DIP2C: variants seen among roughly 807,000 people sequenced by gnomAD.
DIP2C encodes the protein DIP2 acetate--CoA ligase C (putative), also known as disco-interacting protein 2 homolog C.
In DIP2C, 33 loss-of-function variants were observed where a neutral mutation model predicts 192.4. The ratio of observed to expected loss-of-function variants is 0.17; its 90% CI spans 0.13 to 0.23. The LOEUF is 0.23. Ranked by LOEUF, DIP2C falls within the 10% of genes least tolerant of loss-of-function variation. The pLI is 1.00. For missense variants in DIP2C, 1,537 were observed against 2,110.1 expected (o/e 0.73, Z 5.32); for synonymous variants, 979 against 864.1 (o/e 1.13, Z -2.33).
intron 6 of DIP2C, among the ~76,000 whole-genome samples, chr10:418,658 A>T (rs1047128692): frequency 6.6e-6 from 1 of 152,224 alleles, no homozygotes; most frequent in African/African-American, 2.4e-5. Context: ...CTAAAGCAAC[A>T]TATCAGCCCA....
intron 1 of DIP2C, among the ~76,000 whole-genome samples, chr10:514,566 A>T (rs1846231073): frequency 6.6e-6 from 1 of 152,184 alleles, no homozygotes; most frequent in African/African-American, 2.4e-5. Flanking sequence ...CCTGCAGACC[A>T]GACCTCACTC....
At chr10:353,888 G>C (rs1174386911) in intron 24 of DIP2C, among the ~76,000 whole-genome samples, 1 of 152,248 alleles carries the variant, frequency 6.6e-6, no homozygotes, top group Non-Finnish European at 1.5e-5. Context: ...GAAAATGCAT[G>C]ATTCTGTATG....
Position 651,879 on chromosome 10 carries a change from G to T in DIP2C, c.85+37615C>A. The T allele has an allele frequency of 5.1e-6, 1 of 197,524 alleles. No homozygotes were observed. 12.2% of individuals were successfully genotyped at this position (197,524 alleles called of 1,614,324 possible). A position where few individuals can be genotyped will look rare whatever the true frequency, so the allele number is the denominator to read the frequency against. On this transcript the variant is annotated intron_variant, in intron 1 of 36. Coordinates refer to ENST00000280886, the MANE Select transcript of DIP2C (RefSeq NM_014974.3). The surrounding 1 kb of genome is among the most constrained non-coding windows in gnomAD (Gnocchi z 4.1). ...AAGAAACCACCTGCTACTGCAAACG[G>T]CCTCGCTGTACTCAGGGAGTCGGTT...
chr10:294,718 T>TA (rs539487259), intron 32 of DIP2C, among the ~76,000 whole-genome samples: 98 of 152,116 alleles, frequency 6.4e-4, no homozygotes, highest in African/African-American at 2.2e-3. Flanking sequence ...TGCATCGAAT[T>TA]AAAAAAAAAA....
At chr10:449,293 C>T (rs11252490) in intron 3 of DIP2C, among the ~76,000 whole-genome samples, 23,898 of 152,156 alleles carry the variant, frequency 0.16, 4,829 homozygotes, top group African/African-American at 0.47. Flanking sequence ...AAGTCGACTT[C>T]TCCACCTCCC....
At chr10:594,831 G>C (rs184514225) in intron 1 of DIP2C, among the ~76,000 whole-genome samples, 6 of 152,278 alleles carry the variant, frequency 3.9e-5, no homozygotes, top group African/African-American at 7.2e-5. Context: ...TCGAATTTAC[G>C]ACCTGCTGCT....
At chr10:595,079 C>T (rs890862655) in intron 1 of DIP2C, among the ~76,000 whole-genome samples, 17 of 152,218 alleles carry the variant, frequency 1.1e-4, no homozygotes, top group Non-Finnish European at 4.4e-5. Context: ...TTCTACATGG[C>T]ATCAGCCTCC....
intron 32 of DIP2C, among the ~76,000 whole-genome samples, chr10:300,033 A>C: frequency 6.6e-6 from 1 of 152,224 alleles, no homozygotes; most frequent in East Asian, 1.9e-4. Flanking sequence ...GAGCACACGG[A>C]GAAACCAGAC....
chr10:369,026 T>C (rs1332917839), intron 18 of DIP2C, among the ~76,000 whole-genome samples: 1 of 152,242 alleles, frequency 6.6e-6, no homozygotes, highest in Non-Finnish European at 1.5e-5. Flanking sequence ...AAAAGGCTTC[T>C]GAGACTTGGA....
chr10:592,675 A>C (rs1428783347), intron 1 of DIP2C, among the ~76,000 whole-genome samples: 1 of 152,144 alleles, frequency 6.6e-6, no homozygotes, highest in Admixed American at 6.5e-5. Context: ...AAATAATGAC[A>C]ACACTATTTT....
At position 399,231 on chromosome 10, in the gene DIP2C, G is replaced by A. The variant is rs1290759180; in HGVS notation, c.1150-12C>T. 1 of 1,612,178 alleles carries A rather than the reference G, an allele frequency of 6.2e-7. No individual in the cohort carries two copies. The highest frequency in any genetic ancestry group is 1.3e-5 in the African/African-American group (1 of 75,034). The stretch of plus-strand genomic sequence containing the variant: ...AACACCAGTGCCACCTGTGGGACAG[G>A]CCAGAGCGGGTCAGCATTAACGTGG... On this transcript the variant is annotated splice_polypyrimidine_tract_variant and intron_variant, in intron 9 of 36. Transcript: ENST00000280886.
intron 17 of DIP2C, among the ~76,000 whole-genome samples, chr10:371,406 T>C (rs1589635072): frequency 6.6e-6 from 1 of 152,160 alleles, no homozygotes; most frequent in East Asian, 1.9e-4. Context: ...GAAATTGAAG[T>C]TGAGCCACCG....
chr10:339,809 G>A (rs141156987), intron 29 of DIP2C, among the ~76,000 whole-genome samples: 8 of 151,948 alleles, frequency 5.3e-5, no homozygotes, highest in East Asian at 1.9e-4. Flanking sequence ...TTAGAATATC[G>A]GTATTTTTCA....
chr10:583,013 T>C (rs983514750), intron 1 of DIP2C, among the ~76,000 whole-genome samples: 2 of 152,236 alleles, frequency 1.3e-5, no homozygotes, highest in African/African-American at 2.4e-5. Flanking sequence ...CCACACATAA[T>C]ACATGGCGAT....
intron 1 of DIP2C, among the ~76,000 whole-genome samples, chr10:685,410 G>A (rs930790556): frequency 2.0e-5 from 3 of 151,852 alleles, no homozygotes; most frequent in Non-Finnish European, 2.9e-5. Flanking sequence ...CATGGAACAC[G>A]CTGACAATTA....
At chr10:590,079 ACT>A (rs375524194) in intron 1 of DIP2C, among the ~76,000 whole-genome samples, 90 of 152,232 alleles carry the variant, frequency 5.9e-4, no homozygotes, top group Non-Finnish European at 1.0e-3. Flanking sequence ...GGAAATGGAC[ACT>A]CTTCCTCTAA....
intron 5 of DIP2C, among the ~76,000 whole-genome samples, chr10:422,015 G>A (rs529990687): frequency 7.3e-5 from 11 of 150,090 alleles, no homozygotes; most frequent in African/African-American, 2.0e-4. Flanking sequence ...TAATCACAAT[G>A]ACGTGCACCT....
At chr10:373,484 T>C (rs1160290718) in intron 17 of DIP2C, among the ~76,000 whole-genome samples, 3 of 152,170 alleles carry the variant, frequency 2.0e-5, no homozygotes, top group Non-Finnish European at 4.4e-5. Context: ...AAGCTGAGTG[T>C]TGGGAGAAGC....
At chr10:641,056 G>C (rs994659127) in intron 1 of DIP2C, among the ~76,000 whole-genome samples, 1 of 151,840 alleles carries the variant, frequency 6.6e-6, no homozygotes, top group East Asian at 1.9e-4. Flanking sequence ...CTGGCACATT[G>C]AGACTTTTTA....
Sources: gnomAD v4.1 joint callset for allele counts (sites outside exome capture counted in the v4.1 genomes callset) on GRCh38, gnomAD v4.1.1 for gene constraint, Gnocchi (gnomAD v3.1) non-coding constraint, MANE v1.5 for transcripts, NCBI Gene and HGNC (gene_info 2026-07-23, HGNC 2026-07-21) for gene names.